The following SLIT1 variants were observed in gnomAD, a reference collection of about 807,000 sequenced individuals.
The protein encoded by SLIT1 is slit guidance ligand 1.
Under a neutral mutation model 186.1 loss-of-function variants are expected in SLIT1, and 66 were observed. That is an observed-to-expected ratio of 0.35 (90% CI 0.29 to 0.44). The LOEUF is 0.44. Ranked by LOEUF, SLIT1 falls within the 20% of genes least tolerant of loss-of-function variation. SLIT1 has a pLI of 1.00. For missense variants in SLIT1, 1,638 were observed against 2,037.4 expected, an observed-to-expected ratio of 0.80 and a Z score of 3.77; for synonymous variants, 761 against 833.8, an observed-to-expected ratio of 0.91 and a Z score of 1.50.
In SLIT1 at chr10:97,022,901, G is replaced by A. The variant is rs114068198; in HGVS notation, c.2583-1488C>T. Among the ~76,000 whole-genome samples, 455 of 152,268 alleles carry A rather than the reference G, an allele frequency of 3.0e-3. 4 individuals carry two copies. Among genetic ancestry groups the A allele is most frequent in the African/African-American group, 0.01 (419 of 41,552 alleles). ...TCCTTGTCACTAAACAGCACGTCTT[G>A]GGAATCTTCCTGGTCAGCATATAAG... On this transcript the variant is annotated intron_variant, in intron 25 of 36. Transcript: ENST00000266058. This position sits in a 1 kb window ranked among gnomAD's most constrained non-coding sequence, Gnocchi z 4.2.
intron 3 of SLIT1, among the ~76,000 whole-genome samples, chr10:97,158,549 C>A (rs886967746): frequency 4.6e-5 from 7 of 151,622 alleles, no homozygotes; most frequent in Admixed American, 4.6e-4. Flanking sequence ...GTAATCCCAG[C>A]TACTCGGGAG....
At chr10:97,078,367 C>T (rs1289036579) in intron 4 of SLIT1, among the ~76,000 whole-genome samples, 7 of 152,130 alleles carry the variant, frequency 4.6e-5, no homozygotes, top group Admixed American at 2.6e-4. Context: ...CCTTCTCCCT[C>T]CACCACCACC....
At chr10:97,018,343 G>A (rs986118376) in intron 28 of SLIT1, among the ~76,000 whole-genome samples, 4 of 152,210 alleles carry the variant, frequency 2.6e-5, no homozygotes, top group South Asian at 2.1e-4. Context: ...GGAGCTGTGC[G>A]GCTTAGGTAT....
intron 4 of SLIT1, among the ~76,000 whole-genome samples, chr10:97,143,276 A>G (rs760940453): frequency 6.6e-6 from 1 of 152,240 alleles, no homozygotes; most frequent in Admixed American, 6.5e-5. Flanking sequence ...TGGGGTATAC[A>G]TATAATGGCA....
intron 1 of SLIT1, among the ~76,000 whole-genome samples, chr10:97,168,040 C>T (rs1479588480): frequency 6.6e-6 from 1 of 152,212 alleles, no homozygotes; most frequent in Non-Finnish European, 1.5e-5. Context: ...TGTAGAAACT[C>T]ACAAACACAC....
At chr10:97,140,691 T>A (rs1468351164) in intron 4 of SLIT1, among the ~76,000 whole-genome samples, 3 of 151,884 alleles carry the variant, frequency 2.0e-5, no homozygotes, top group Admixed American at 1.3e-4. Context: ...GGGAAATGAG[T>A]CATTGCTCAG....
chr10:97,089,278 G>A (rs1849202818), intron 4 of SLIT1, among the ~76,000 whole-genome samples: 1 of 152,210 alleles, frequency 6.6e-6, no homozygotes, highest in South Asian at 2.1e-4. Context: ...ACAGGGAGAG[G>A]CCAAGCCCCC....
At chr10:97,023,525 C>T (rs1190768684) in intron 25 of SLIT1, among the ~76,000 whole-genome samples, 1 of 152,180 alleles carries the variant, frequency 6.6e-6, no homozygotes, top group African/African-American at 2.4e-5. Flanking sequence ...TGCTCTCACG[C>T]CTGCACCAAC....
At position 97,010,753 on chromosome 10, in the gene SLIT1, C is replaced by T. The variant is rs767442284; in HGVS notation, c.3341+240G>A. On this transcript the variant is annotated intron_variant, in intron 31 of 36. Transcript: ENST00000266058. The surrounding 1 kb of genome is among the most constrained non-coding windows in gnomAD (Gnocchi z 4.8). ...TGACAGCACACTGCCCTGTCATCTG[C>T]ACCCACCTCTCATGCCCTCCACCAA... Among the ~76,000 whole-genome samples the T allele has an allele frequency of 6.6e-6, 1 of 152,196 alleles. No homozygotes were observed. The highest frequency in any genetic ancestry group is 1.5e-5 in the Non-Finnish European group (1 of 68,022).
chr10:97,066,606 C>T (rs1036634049), intron 4 of SLIT1, among the ~76,000 whole-genome samples: 1 of 152,156 alleles, frequency 6.6e-6, no homozygotes, highest in African/African-American at 2.4e-5. Context: ...CATTCTCCCT[C>T]TCCTTCACTC....
chr10:97,105,619 G>A (rs1409644958), intron 4 of SLIT1, among the ~76,000 whole-genome samples: 1 of 152,232 alleles, frequency 6.6e-6, no homozygotes, highest in Non-Finnish European at 1.5e-5. Flanking sequence ...AGAAGAGATG[G>A]CAGATCAAAC....
At position 97,060,084 on chromosome 10, in the gene SLIT1, C is replaced by T. The variant is rs1473650061; in HGVS notation, c.1013+3G>A. The T allele has an allele frequency of 2.5e-6, 4 of 1,610,144 alleles. No individual in the cohort carries two copies. Among genetic ancestry groups the T allele is most frequent in the South Asian group, 1.1e-5 (1 of 91,018 alleles). ...TCCCCAGGAAGCAGTGGGAGGCACT[C>T]ACATCCTCCGTAGCTTTCTGTAGGG... On this transcript the variant is annotated splice_donor_region_variant and intron_variant, in intron 10 of 36. Coordinates refer to ENST00000266058, the MANE Select transcript of SLIT1 (RefSeq NM_003061.3).
intron 21 of SLIT1, among the ~76,000 whole-genome samples, chr10:97,038,815 C>T (rs556616266): frequency 6.0e-4 from 91 of 152,302 alleles, no homozygotes; most frequent in Non-Finnish European, 9.7e-4. Context: ...GTTTGATCCT[C>T]GAGGCAGTCC....
chr10:97,009,681 A>T (rs1241661892), intron 31 of SLIT1, among the ~76,000 whole-genome samples: 1 of 152,256 alleles, frequency 6.6e-6, no homozygotes, highest in Non-Finnish European at 1.5e-5. Flanking sequence ...TTTGTGCATT[A>T]TCAAGAAAAG....
intron 13 of SLIT1, among the ~76,000 whole-genome samples, chr10:97,049,839 T>C (rs1398787864): frequency 6.6e-6 from 1 of 152,244 alleles, no homozygotes; most frequent in East Asian, 1.9e-4. Flanking sequence ...CTGCCTGTGT[T>C]GTCAGCAGGA....
intron 4 of SLIT1, among the ~76,000 whole-genome samples, chr10:97,126,764 G>C (rs930195738): frequency 6.6e-6 from 1 of 152,168 alleles, no homozygotes; most frequent in Non-Finnish European, 1.5e-5. Context: ...AGAGCTCACA[G>C]GCTGTTAGAT....
chr10:97,144,758 A>C (rs1412198564), intron 4 of SLIT1, among the ~76,000 whole-genome samples: 1 of 152,212 alleles, frequency 6.6e-6, no homozygotes, highest in Non-Finnish European at 1.5e-5. Context: ...CTAGGACAGC[A>C]AATTGTCCTC....
At chr10:97,161,761 A>G (rs1365163294) in intron 3 of SLIT1, among the ~76,000 whole-genome samples, 1 of 152,194 alleles carries the variant, frequency 6.6e-6, no homozygotes, top group Admixed American at 6.5e-5. Context: ...CTGGGCAACA[A>G]GAGTGAAACT....
chr10:97,064,868 T>C lies in SLIT1; in HGVS notation c.494A>G (p.Asp165Gly), dbSNP rs1564666246. 1 of 1,612,854 alleles carries C rather than the reference T, an allele frequency of 6.2e-7. No individual in the cohort carries two copies. Among genetic ancestry groups the C allele is most frequent in the Admixed American group, 1.7e-5 (1 of 59,898 alleles). Residue 165 changes from aspartate (D) to glycine (G), a missense_variant, in exon 6 of 37, where the codon GAC (aspartate) becomes GGC (glycine). By Grantham distance (94) the Asp-to-Gly change is moderately conservative. Transcript: ENST00000266058. ...CTCAATGCAGCTGATCTGGTTCTTG[T>C]CCAGCTGTCTGTGAAGCAAAGGAAG... ...GATDLKNLQL[D>G]KNQISCIEEG...
Sources: gnomAD v4.1 joint callset for allele counts (sites outside exome capture counted in the v4.1 genomes callset) on GRCh38, gnomAD v4.1.1 for gene constraint, Gnocchi (gnomAD v3.1) non-coding constraint, MANE v1.5 for transcripts, NCBI Gene and HGNC (gene_info 2026-07-23, HGNC 2026-07-21) for gene names.